The following PSPC1 variants were observed in gnomAD, a reference collection of about 807,000 sequenced individuals.
PSPC1 encodes paraspeckle component 1, also known as paraspeckle protein 1.
A neutral mutation model predicts 51.6 loss-of-function variants in PSPC1; 14 were observed. That is an observed-to-expected ratio of 0.27 (90% CI 0.18 to 0.42). PSPC1 has a LOEUF of 0.42. PSPC1 is among the 10% of genes least tolerant of loss of function. The probability of loss-of-function intolerance (pLI) is 1.00; values close to 1 mark genes in which losing one functional copy is unlikely to be tolerated. For synonymous variants in PSPC1, 193 were observed against 231.9 expected, an observed-to-expected ratio of 0.83 and a Z score of 1.53; for missense variants, 406 against 701.1, an observed-to-expected ratio of 0.58 and a Z score of 4.75.
At chr13:19,684,485 G>C (rs574234715) in intron 6 of PSPC1, among the ~76,000 whole-genome samples, 1 of 152,218 alleles carries the variant, frequency 6.6e-6, no homozygotes, top group African/African-American at 2.4e-5. Flanking sequence ...AAAGCCACTG[G>C]AAACAAATTG....
intron 6 of PSPC1, among the ~76,000 whole-genome samples, chr13:19,691,530 A>G (rs941069133): frequency 3.9e-5 from 6 of 152,126 alleles, no homozygotes; most frequent in Non-Finnish European, 2.9e-5. Flanking sequence ...TCGAAAAAAG[A>G]CAAAGTAGGC....
At chr13:19,709,179 A>G (rs1881090367) in intron 7 of PSPC1, among the ~76,000 whole-genome samples, 1 of 150,238 alleles carries the variant, frequency 6.7e-6, no homozygotes, top group African/African-American at 2.4e-5. Context: ...AAAAAAAAAA[A>G]GCCAAATAGA....
chr13:19,771,430 G>A (rs1338511653), intron 2 of PSPC1, among the ~76,000 whole-genome samples: 2 of 151,986 alleles, frequency 1.3e-5, no homozygotes, highest in Non-Finnish European at 2.9e-5. Flanking sequence ...AAGCCACCGC[G>A]CCTGGCCCAA....
chr13:19,677,119 G>A (rs1264589579), intron 7 of PSPC1, among the ~76,000 whole-genome samples: 1 of 151,900 alleles, frequency 6.6e-6, no homozygotes, highest in Non-Finnish European at 1.5e-5. Flanking sequence ...TGTGGTCCCA[G>A]CTACTCGGGA....
At chr13:19,682,107 A>C (rs1280774399) in intron 6 of PSPC1, among the ~76,000 whole-genome samples, 1 of 152,244 alleles carries the variant, frequency 6.6e-6, no homozygotes, top group African/African-American at 2.4e-5. Context: ...CAACAGATCC[A>C]CAAGGTCAAA....
chr13:19,680,895 A>G (rs1427731248), intron 6 of PSPC1, among the ~76,000 whole-genome samples: 2 of 152,204 alleles, frequency 1.3e-5, no homozygotes. Flanking sequence ...AATACCACAC[A>G]TACTTTTCTA....
At position 19,781,394 on chromosome 13, in the gene PSPC1, A is replaced by G. The variant is rs183922658; in HGVS notation, c.372+992T>C. On this transcript the variant is annotated intron_variant, in intron 1 of 8. Coordinates refer to ENST00000338910, the MANE Select transcript of PSPC1 (RefSeq NM_001354909.2). ...TCAAATTTTTTTTAAATATAAAGGA[A>G]TCATAATTTTTGCATAAATTATTGG... Among the ~76,000 whole-genome samples, 5 of 152,146 alleles carry G rather than the reference A, an allele frequency of 3.3e-5. No homozygotes were observed. The East Asian group carries it at 9.7e-4, about 30-fold the overall frequency.
intron 7 of PSPC1, among the ~76,000 whole-genome samples, chr13:19,708,377 T>C (rs950046059): frequency 5.3e-5 from 8 of 152,248 alleles, no homozygotes; most frequent in Admixed American, 5.2e-4. Flanking sequence ...ATTTTTAGCT[T>C]CATAACACCT....
At chr13:19,677,044 C>T (rs1284609297) in intron 7 of PSPC1, among the ~76,000 whole-genome samples, 2 of 152,058 alleles carry the variant, frequency 1.3e-5, no homozygotes, top group East Asian at 1.9e-4. Flanking sequence ...ACCATCCTGG[C>T]TAACACAGTG....
At chr13:19,733,861 G>C (rs1458858453) in intron 5 of PSPC1, among the ~76,000 whole-genome samples, 1 of 151,806 alleles carries the variant, frequency 6.6e-6, no homozygotes, top group Admixed American at 6.6e-5. Flanking sequence ...GCTAAGGTGG[G>C]AAGATCACTT....
At position 19,707,237 on chromosome 13, in the gene PSPC1, TAC is replaced by T. The variant is rs373191332; in HGVS notation, c.1217-1408_1217-1407del. Among the ~76,000 whole-genome samples, 689 of 152,278 alleles carry T rather than the reference TAC, an allele frequency of 4.5e-3. 5 individuals carry two copies. Among genetic ancestry groups the T allele is most frequent in the South Asian group, 0.027 (128 of 4,826 alleles). On this transcript the variant is annotated intron_variant, in intron 7 of 8. Coordinates refer to ENST00000338910, the MANE Select transcript of PSPC1 (RefSeq NM_001354909.2). ...CAATGGTGGGTTCAGAATATAACTA[TAC>T]AACTATGGGTATAAAAAATCAAAAA...
intron 3 of PSPC1, among the ~76,000 whole-genome samples, chr13:19,751,904 A>G (rs9551995): frequency 0.64 from 97,032 of 151,900 alleles, 34,611 homozygotes; most frequent in East Asian, 0.89. Flanking sequence ...AAAAATACAA[A>G]AAAATTAGCC....
chr13:19,749,247 C>T (rs79198696), intron 4 of PSPC1, among the ~76,000 whole-genome samples: 2,293 of 152,072 alleles, frequency 0.015, 35 homozygotes, highest in Middle Eastern at 0.048. Context: ...ACTTAGGAGG[C>T]GGAGGCAGGA....
chr13:19,756,484 T>G (rs989456964), intron 3 of PSPC1, among the ~76,000 whole-genome samples: 11 of 152,016 alleles, frequency 7.2e-5, no homozygotes, highest in African/African-American at 2.2e-4. Context: ...AAGCCTGGCA[T>G]GCTGGCAAAA....
Position 19,751,192 on chromosome 13 carries a change from A to G in PSPC1, c.967+79T>C, listed in dbSNP as rs1593708097. ...CCTCTAAACTCCTAAATGGCACTTT[A>G]CACAGTAGTACATGAATGGTACACA... On this transcript the variant is annotated intron_variant, in intron 4 of 8. Coordinates refer to ENST00000338910, the MANE Select transcript of PSPC1 (RefSeq NM_001354909.2). 2.6e-6 allele frequency: 3 copies of G among 1,170,708 alleles called. No individual in the cohort carries two copies. The East Asian group carries it at 8.3e-5, about 33-fold the overall frequency. The allele number at this position is 1,170,708 out of a possible 1,614,324, so 72.5% of individuals were successfully genotyped here.
At chr13:19,704,302 CGTGCACTGCCTCATCTCCCT>C (rs1362812258) in intron 8 of PSPC1, among the ~76,000 whole-genome samples, 1 of 152,080 alleles carries the variant, frequency 6.6e-6, no homozygotes, top group Non-Finnish European at 1.5e-5. Flanking sequence ...TCATAGTAGC[CGTGCACTGCCTCATCTCCCT>C]GTATAAACTA....
chr13:19,750,247 T>C (rs1886396931), intron 4 of PSPC1, among the ~76,000 whole-genome samples: 1 of 152,046 alleles, frequency 6.6e-6, no homozygotes, highest in South Asian at 2.1e-4. Flanking sequence ...TACCTTGATC[T>C]CTGGGGACAG....
chr13:19,702,211 G>A (rs1241473111), downstream of PSPC1, among the ~76,000 whole-genome samples: 1 of 152,142 alleles, frequency 6.6e-6, no homozygotes. Flanking sequence ...TTTTACTGGA[G>A]AAATGTCCAA....
At chr13:19,746,094 C>A (rs1391301675) in intron 4 of PSPC1, among the ~76,000 whole-genome samples, 1 of 150,698 alleles carries the variant, frequency 6.6e-6, no homozygotes, top group Non-Finnish European at 1.5e-5. Context: ...CAACCTCCGA[C>A]TCCCTAGTTC....
Sources: gnomAD v4.1 joint callset for allele counts (sites outside exome capture counted in the v4.1 genomes callset) on GRCh38, gnomAD v4.1.1 for gene constraint, MANE v1.5 for transcripts, NCBI Gene and HGNC (gene_info 2026-07-23, HGNC 2026-07-21) for gene names.